PCDH15: variants seen among roughly 807,000 people sequenced by gnomAD.
The protein encoded by PCDH15 is protocadherin related 15, also known as protocadherin-15.
Under a neutral mutation model 178.5 loss-of-function variants are expected in PCDH15, and 129 were observed. The ratio of observed to expected loss-of-function variants is 0.72; its 90% CI spans 0.63 to 0.84. PCDH15 has a LOEUF of 0.84. Among genes scored for constraint, PCDH15 ranks in the 40% least tolerant of loss-of-function variants. The pLI is 0.00. For synonymous variants in PCDH15, 800 were observed against 732.0 expected, an observed-to-expected ratio of 1.09 and a Z score of -1.50; for missense variants, 2,230 against 2,099.9, an observed-to-expected ratio of 1.06 and a Z score of -1.21.
At chr10:54,427,373 G>A (rs547731460) in intron 3 of PCDH15, among the ~76,000 whole-genome samples, 36 of 146,554 alleles carry the variant, frequency 2.5e-4, no homozygotes, top group Middle Eastern at 3.5e-3. Context: ...CCGCCTCCTG[G>A]GTTCAATTGA....
intron 15 of PCDH15, among the ~76,000 whole-genome samples, chr10:54,110,010 G>A (rs1052728777): frequency 2.6e-5 from 4 of 152,002 alleles, no homozygotes; most frequent in African/African-American, 9.7e-5. Context: ...AAAAATACAA[G>A]TACAAGTGGA....
intron 2 of PCDH15, among the ~76,000 whole-genome samples, chr10:55,440,221 A>G (rs1475808848): frequency 1.3e-5 from 2 of 152,222 alleles, no homozygotes; most frequent in Non-Finnish European, 2.9e-5. Flanking sequence ...AAATGGAACA[A>G]AGTACGACAC....
intron 8 of PCDH15, among the ~76,000 whole-genome samples, chr10:54,290,400 A>G (rs995710916): frequency 6.6e-6 from 1 of 152,228 alleles, no homozygotes; most frequent in Non-Finnish European, 1.5e-5. Context: ...AGGAAGCAGT[A>G]AAGATGGAAA....
intron 23 of PCDH15, among the ~76,000 whole-genome samples, chr10:53,956,799 G>A (rs2087653506): frequency 6.6e-6 from 1 of 152,136 alleles, no homozygotes; most frequent in African/African-American, 2.4e-5. Context: ...CCATGTGACT[G>A]TTGTTAATTT....
chr10:54,192,115 AAAAAG>A (rs2049073881), intron 11 of PCDH15, among the ~76,000 whole-genome samples: 1 of 128,454 alleles, frequency 7.8e-6, no homozygotes, highest in African/African-American at 3.4e-5. Context: ...AAGAAAAAAA[AAAAAG>A]AAAGAAAGAA....
At chr10:54,191,932 G>A (rs1203534968) in intron 11 of PCDH15, among the ~76,000 whole-genome samples, 3 of 134,256 alleles carry the variant, frequency 2.2e-5, no homozygotes, top group Non-Finnish European at 4.7e-5. Flanking sequence ...AGAAAGAAAA[G>A]CAAGGGAAAG....
At chr10:54,741,698 A>G (rs11004529) in intron 1 of PCDH15, among the ~76,000 whole-genome samples, 19,084 of 151,988 alleles carry the variant, frequency 0.13, 1,359 homozygotes, top group African/African-American at 0.18. Context: ...GAGTCTGGTC[A>G]CATTGCTTGG....
chr10:54,482,581 A>T (rs2078797974), intron 3 of PCDH15, among the ~76,000 whole-genome samples: 1 of 151,828 alleles, frequency 6.6e-6, no homozygotes, highest in African/African-American at 2.4e-5. Context: ...TCAATTTCTC[A>T]GAAGGTGTTC....
intron 1 of PCDH15, among the ~76,000 whole-genome samples, chr10:55,224,519 C>G (rs1164888462): frequency 6.6e-6 from 1 of 152,040 alleles, no homozygotes. Context: ...AGAGATCAGT[C>G]ATTTCAAAGC....
intron 2 of PCDH15, among the ~76,000 whole-genome samples, chr10:54,576,023 A>G (rs2090438448): frequency 7.1e-6 from 1 of 141,726 alleles, no homozygotes; most frequent in Non-Finnish European, 1.5e-5. Flanking sequence ...AGTTAGATAC[A>G]TATCTTTTAC....
chr10:54,742,714 C>T (rs1944966323), intron 1 of PCDH15, among the ~76,000 whole-genome samples: 1 of 151,946 alleles, frequency 6.6e-6, no homozygotes, highest in African/African-American at 2.4e-5. Flanking sequence ...TTAAGGCCTG[C>T]ATTCTAGAAA....
At chr10:54,694,839 G>A (rs2095192925) in intron 1 of PCDH15, among the ~76,000 whole-genome samples, 1 of 152,070 alleles carries the variant, frequency 6.6e-6, no homozygotes, top group Non-Finnish European at 1.5e-5. Flanking sequence ...CAAATGAAAG[G>A]AGGAGTCCCA....
At chr10:54,463,437 T>C (rs2077322728) in intron 3 of PCDH15, among the ~76,000 whole-genome samples, 1 of 152,134 alleles carries the variant, frequency 6.6e-6, no homozygotes, top group South Asian at 2.1e-4. Context: ...TCCAGGGTCA[T>C]AGTGTTAGCT....
At chr10:54,980,822 G>A (rs986146683) in intron 2 of PCDH15, among the ~76,000 whole-genome samples, 1 of 151,340 alleles carries the variant, frequency 6.6e-6, no homozygotes, top group Non-Finnish European at 1.5e-5. Context: ...AAATTGTACC[G>A]TGGCATACCA....
chr10:55,276,415 T>A (rs1272180515), intron 1 of PCDH15, among the ~76,000 whole-genome samples: 1 of 151,232 alleles, frequency 6.6e-6, no homozygotes, highest in Non-Finnish European at 1.5e-5. Context: ...ATTTGCTAAT[T>A]TTTTTCTAAA....
chr10:54,773,514 C>A (rs1250782163), intron 1 of PCDH15, among the ~76,000 whole-genome samples: 3 of 152,160 alleles, frequency 2.0e-5, no homozygotes, highest in East Asian at 1.9e-4. Flanking sequence ...ATCACCAACA[C>A]CTGCAGATGC....
chr10:54,745,202 T>A (rs1377393095), intron 1 of PCDH15, among the ~76,000 whole-genome samples: 41 of 152,170 alleles, frequency 2.7e-4, no homozygotes, highest in Admixed American at 2.0e-3. Flanking sequence ...TAAATTCTTC[T>A]TCCAAAGCTA....
chr10:55,292,980 C>A (rs978649061), intron 1 of PCDH15, among the ~76,000 whole-genome samples: 49 of 152,328 alleles, frequency 3.2e-4, no homozygotes, highest in African/African-American at 1.1e-3. Context: ...GGGGCTCCGA[C>A]TCCATATTTC....
At chr10:53,815,035 G>A (rs1230979581) in intron 35 of PCDH15, among the ~76,000 whole-genome samples, 1 of 151,210 alleles carries the variant, frequency 6.6e-6, no homozygotes, top group African/African-American at 2.4e-5. Flanking sequence ...CAACCAACAA[G>A]GGAATGCTGG....
Sources: gnomAD v4.1 joint callset for allele counts (sites outside exome capture counted in the v4.1 genomes callset) on GRCh38, gnomAD v4.1.1 for gene constraint, MANE v1.5 for transcripts, NCBI Gene and HGNC (gene_info 2026-07-23, HGNC 2026-07-21) for gene names.